The following DISC1 variants were observed in gnomAD, a reference collection of about 807,000 sequenced individuals.
The protein encoded by DISC1 is disrupted in schizophrenia 1 protein.
Under a neutral mutation model 84.5 loss-of-function variants are expected in DISC1, and 57 were observed. That is an observed-to-expected ratio of 0.67 (90% CI 0.55 to 0.84). The LOEUF is 0.84. Among genes scored for constraint, DISC1 ranks in the 40% least tolerant of loss-of-function variants. The probability of loss-of-function intolerance (pLI) is 0.00; values close to 1 mark genes in which losing one functional copy is unlikely to be tolerated. For missense variants in DISC1, 1,000 were observed against 1,057.8 expected (o/e 0.95, Z 0.76); for synonymous variants, 411 against 415.2 (o/e 0.99, Z 0.12).
chr1:232,033,810 G>A (rs1375975980), intron 12 of DISC1, among the ~76,000 whole-genome samples: 1 of 152,156 alleles, frequency 6.6e-6, no homozygotes, highest in Non-Finnish European at 1.5e-5. Flanking sequence ...TGAAAGCAAT[G>A]CATTTCCATT....
chr1:231,719,052 G>A (rs1172707779), intron 3 of DISC1, among the ~76,000 whole-genome samples: 3 of 152,130 alleles, frequency 2.0e-5, no homozygotes, highest in African/African-American at 4.8e-5. Flanking sequence ...TTAAGCCCAG[G>A]AGGTCGAGGC....
chr1:231,798,710 G>A (rs1473678269), intron 7 of DISC1, among the ~76,000 whole-genome samples: 7 of 152,060 alleles, frequency 4.6e-5, no homozygotes, highest in African/African-American at 7.2e-5. Context: ...TTGGACATGC[G>A]GATGCCCAAC....
chr1:232,038,293 T>G lies in DISC1; in HGVS notation c.*1462T>G, dbSNP rs999764163. The G allele has an allele frequency of 6.6e-6, 1 of 152,194 alleles. No homozygotes were observed. Among genetic ancestry groups the G allele is most frequent in the Non-Finnish European group, 1.5e-5 (1 of 68,038 alleles). The allele number at this position is 152,194 out of a possible 1,614,324, so 9.4% of individuals were successfully genotyped here. On this transcript the variant is annotated 3_prime_UTR_variant, in exon 13 of 13. Transcript: ENST00000439617. ...AGGGCATTTCAGGCTCCTGCTGGGC[T>G]GCTTCTTTGGCCCAGCTGGGACTCC...
At chr1:231,680,813 T>C (rs2063612862) in intron 1 of DISC1, among the ~76,000 whole-genome samples, 1 of 152,192 alleles carries the variant, frequency 6.6e-6, no homozygotes. Flanking sequence ...GCATGCAAAA[T>C]GGAGCATTTA....
intron 2 of DISC1, among the ~76,000 whole-genome samples, chr1:231,696,062 T>C (rs952442908): frequency 1.3e-5 from 2 of 152,160 alleles, no homozygotes; most frequent in Admixed American, 6.5e-5. Flanking sequence ...GCCTCCAATA[T>C]TGGTTGATTT....
At chr1:231,941,380 G>A (rs1037421883) in intron 9 of DISC1, among the ~76,000 whole-genome samples, 2 of 152,032 alleles carry the variant, frequency 1.3e-5, no homozygotes, top group Admixed American at 6.6e-5. Context: ...GAGATTCCAG[G>A]AGCAAGGCCA....
intron 9 of DISC1, among the ~76,000 whole-genome samples, chr1:231,876,266 C>T (rs1189959333): frequency 6.6e-6 from 1 of 152,150 alleles, no homozygotes; most frequent in Non-Finnish European, 1.5e-5. Flanking sequence ...GTGTGTGGCA[C>T]CTCCCCGCTT....
At chr1:231,741,863 C>T (rs1044998051) in intron 3 of DISC1, among the ~76,000 whole-genome samples, 2 of 152,190 alleles carry the variant, frequency 1.3e-5, no homozygotes, top group Non-Finnish European at 2.9e-5. Flanking sequence ...TTTTCACCAC[C>T]TGCGCTTTCA....
At chr1:232,026,904 A>G (rs1042766672) in intron 12 of DISC1, among the ~76,000 whole-genome samples, 2 of 151,154 alleles carry the variant, frequency 1.3e-5, no homozygotes, top group Admixed American at 1.3e-4. Flanking sequence ...GCCCGCCAGC[A>G]CGCCCAGCTA....
At chr1:231,758,302 G>A (rs2075335726) in intron 4 of DISC1, among the ~76,000 whole-genome samples, 1 of 152,106 alleles carries the variant, frequency 6.6e-6, no homozygotes, top group Non-Finnish European at 1.5e-5. Flanking sequence ...TAGAGAATTA[G>A]ATGTCAGTCT....
chr1:231,818,831 T>A, intron 9 of DISC1: 1 of 1,156,756 alleles, frequency 8.6e-7, no homozygotes, highest in Non-Finnish European at 1.1e-6. Flanking sequence ...TTTCTTTGTG[T>A]GACAATTATC....
chr1:231,725,014 T>C (rs2070421129), intron 3 of DISC1, among the ~76,000 whole-genome samples: 1 of 152,166 alleles, frequency 6.6e-6, no homozygotes. Flanking sequence ...AGGGTCACTG[T>C]CTGTTTCCAG....
intron 9 of DISC1, among the ~76,000 whole-genome samples, chr1:231,912,944 G>A (rs2089356906): frequency 6.8e-6 from 1 of 146,460 alleles, no homozygotes; most frequent in African/African-American, 2.5e-5. Flanking sequence ...GGATCTTGCT[G>A]TCACCCAAGC....
chr1:231,767,130 T>G lies in DISC1; in HGVS notation c.1269-10T>G. ...GCATACCTGTACCAATAGGTATGTG[T>G]TGTTTTAAGGGCCAGCGGAGATGAC... On this transcript the variant is annotated splice_polypyrimidine_tract_variant and intron_variant, in intron 4 of 12. Transcript: ENST00000439617. 2 of 1,614,068 alleles carry G rather than the reference T, an allele frequency of 1.2e-6. No individual in the cohort carries two copies. The highest frequency in any genetic ancestry group is 1.7e-6 in the Non-Finnish European group (2 of 1,179,952).
intron 3 of DISC1, among the ~76,000 whole-genome samples, chr1:231,740,115 G>A (rs1169912951): frequency 4.6e-5 from 7 of 152,190 alleles, no homozygotes; most frequent in Non-Finnish European, 7.3e-5. Flanking sequence ...CAGAACCTAT[G>A]CTGGCAGCTT....
At chr1:231,654,193 C>T (rs912550521) in intron 1 of DISC1, among the ~76,000 whole-genome samples, 1 of 152,272 alleles carries the variant, frequency 6.6e-6, no homozygotes, top group Non-Finnish European at 1.5e-5. Flanking sequence ...TTGCAGCCCT[C>T]TAGTGCCCTG....
intron 3 of DISC1, chr1:231,723,732 G>C: frequency 1.0e-6 from 1 of 985,422 alleles, no homozygotes; most frequent in Non-Finnish European, 1.2e-6. Context: ...TTCCCTGGCA[G>C]ACAGACTTCT....
chr1:231,645,624 C>G (rs1193703954), intron 1 of DISC1, among the ~76,000 whole-genome samples: 4 of 151,948 alleles, frequency 2.6e-5, no homozygotes, highest in Admixed American at 6.6e-5. Flanking sequence ...CACCCACTAA[C>G]TTGTCATTTA....
chr1:231,921,666 T>C (rs2090020970), intron 9 of DISC1, among the ~76,000 whole-genome samples: 1 of 152,144 alleles, frequency 6.6e-6, no homozygotes, highest in Non-Finnish European at 1.5e-5. Flanking sequence ...TCTGCTCCTC[T>C]CCCCAGCTTT....
Sources: allele counts gnomAD v4.1 joint callset (sites outside exome capture counted in the v4.1 genomes callset), GRCh38; gene constraint gnomAD v4.1.1; transcripts MANE v1.5; gene names NCBI Gene and HGNC (gene_info 2026-07-23, HGNC 2026-07-21).